Variants in TLR8 observed in about 807,000 individuals in gnomAD.
TLR8 encodes toll-like receptor 8.
In TLR8, 5 loss-of-function variants were observed where a neutral mutation model predicts 18.5. That is an observed-to-expected ratio of 0.27 (90% confidence interval 0.14 to 0.57). The LOEUF (loss-of-function observed/expected upper bound fraction) is 0.57, where lower values mean the gene tolerates loss of function less well. Ranked by LOEUF, TLR8 falls within the 20% of genes least tolerant of loss-of-function variation. TLR8 has a pLI of 0.92. For missense variants in TLR8, 543 were observed against 769.8 expected, an observed-to-expected ratio of 0.71 and a Z score of 3.49; for synonymous variants, 299 against 300.1, an observed-to-expected ratio of 1.00 and a Z score of 0.04.
rs1408293636 is a variant in TLR8, at chrX:12,920,957, G to A, written c.1917G>A (p.Lys639=). The A allele has an allele frequency of 8.3e-7, 1 of 1,209,555 alleles. No individual in the cohort carries two copies. Among genetic ancestry groups the A allele is most frequent in the Non-Finnish European group, 1.1e-6 (1 of 895,044 alleles). Residue 639 remains lysine (K), a synonymous_variant, in exon 2 of 2, where the codon AAG becomes AAA. Transcript: ENST00000218032. The part of the protein sequence containing the change: ...NRYISIFKGL[K]NLTRLDLSLN... ...ATATCTCCATTTTCAAAGGTCTCAA[G>A]AATCTGACACGTCTGGATTTATCCC...
intron 1 of TLR8, among the ~76,000 whole-genome samples, chrX:12,918,534 C>CT (rs961215608): frequency 2.0e-4 from 22 of 110,511 alleles, no homozygotes; most frequent in African/African-American, 6.6e-4. Context: ...CTTCAACTTC[C>CT]TTTTTTTTGT....
rs1286007013 is a variant in TLR8 at position 12,919,197 on chromosome X, C to T, written c.157C>T (p.Arg53Ter). 2 of 1,211,795 alleles carry T rather than the reference C, an allele frequency of 1.7e-6. No homozygotes were observed. Among genetic ancestry groups the T allele is most frequent in the Non-Finnish European group, 2.2e-6 (2 of 895,469 alleles). Residue 53 changes from arginine to a stop codon, truncating the protein, a stop_gained, in exon 2 of 2, where the codon CGA (arginine) becomes TGA (stop). Coordinates refer to ENST00000218032, the MANE Select transcript of TLR8 (RefSeq NM_138636.5). LOFTEE classifies it low-confidence loss of function (END_TRUNC). ...AGTTATTGCAGAGTGCAGCAATCGT[C>T]GACTACAGGAAGTTCCCCAAACGGT... ...DSVIAECSNR[R>*]LQEVPQTVGK... is the part of the protein sequence containing the mutation.
At chrX:12,909,699 G>A (rs1240504499) in intron 1 of TLR8, among the ~76,000 whole-genome samples, 1 of 111,531 alleles carries the variant, frequency 9.0e-6, no homozygotes, top group Non-Finnish European at 1.9e-5. Context: ...TGGCCAACTA[G>A]CCCCTTGGCT....
In TLR8 at chrX:12,906,683, A is replaced by G. The variant is rs1335778352; in HGVS notation, c.-24A>G. ...ATTCTGCGCTGCTGCAAGTTACGGA[A>G]TGAAAAATTAGAACAACAGAAACAT... On this transcript the variant is annotated 5_prime_UTR_variant, in exon 1 of 2. An upstream start codon of the reference 5' UTR is lost. Transcript: ENST00000218032. 1.1e-5 allele frequency: 12 copies of G among 1,107,904 alleles called. No individual in the cohort carries two copies. The Admixed American group carries it at 4.1e-4, about 37-fold the overall frequency. The allele number at this position is 1,107,904 out of a possible 1,213,427, so 91.3% of individuals were successfully genotyped here.
Position 12,920,069 on chromosome X carries a change from C to G in TLR8, c.1029C>G (p.Asp343Glu). The change falls in exon 2 of 2, where the codon GAC (aspartate) becomes GAG (glutamate). Residue 343 changes from aspartate (D) to glutamate (E), a missense_variant. Asp to Glu is a conservative substitution (Grantham distance 45, BLOSUM62 2). Transcript: ENST00000218032. ...TGCTGCCCCGCTTAGAAATACTTGA[C>G]TTGTCTTTTAACTATATAAAGGGGA... ...LTMLPRLEIL[D>E]LSFNYIKGSY... 8.3e-7 allele frequency: 1 copy of G among 1,209,827 alleles called. No homozygotes were observed. Among genetic ancestry groups the G allele is most frequent in the Non-Finnish European group, 1.1e-6 (1 of 894,580 alleles).
chrX:12,910,952 CT>C (rs964228769), intron 1 of TLR8, among the ~76,000 whole-genome samples: 5 of 105,603 alleles, frequency 4.7e-5, no homozygotes, highest in Admixed American at 1.0e-4. Flanking sequence ...ATTTTTTTTT[CT>C]TTTTTTTTTC....
intron 1 of TLR8, among the ~76,000 whole-genome samples, chrX:12,912,540 T>A (rs1286130758): frequency 8.8e-6 from 1 of 113,658 alleles, no homozygotes; most frequent in Non-Finnish European, 1.9e-5. Flanking sequence ...TGTGCAGTCC[T>A]GCACGGAATA....
At chrX:12,916,856 G>C (rs1325336102) in intron 1 of TLR8, among the ~76,000 whole-genome samples, 1 of 110,582 alleles carries the variant, frequency 9.0e-6, no homozygotes, top group Non-Finnish European at 1.9e-5. Context: ...CCTTGCAGTT[G>C]TTGTTCGACT....
At chrX:12,911,197 C>A (rs190553102) in intron 1 of TLR8, among the ~76,000 whole-genome samples, 1 of 112,080 alleles carries the variant, frequency 8.9e-6, no homozygotes, top group African/African-American at 3.2e-5. Context: ...TTACTTGATT[C>A]GTTTCCCAGG....
At chrX:12,909,135 G>A (rs1602448377) in intron 1 of TLR8, among the ~76,000 whole-genome samples, 1 of 111,902 alleles carries the variant, frequency 8.9e-6, no homozygotes, top group East Asian at 2.8e-4. Flanking sequence ...ATGGGGTTGA[G>A]GGATTTGTTA....
rs1200632162 is a variant in TLR8 at position 12,920,527 on chromosome X, T to C, written c.1487T>C (p.Ile496Thr). The change falls in exon 2 of 2, where the codon ATT becomes ACT. Residue 496 changes from isoleucine (I) to threonine (T), a missense_variant. This residue lies in a region of TLR8 where 185 missense variants were observed against 298.9 expected (regional missense o/e 0.62). Coordinates refer to ENST00000218032, the MANE Select transcript of TLR8 (RefSeq NM_138636.5). ...TTAAGCCTCAACAGTATTTTCTTCA[T>C]TGGGCCAAACCAATTTGAAAATCTT... ...LDLSLNSIFF[I>T]GPNQFENLPD... 2.5e-6 allele frequency: 3 copies of C among 1,212,116 alleles called. No homozygotes were observed. Among genetic ancestry groups the C allele is most frequent in the Non-Finnish European group, 2.2e-6 (2 of 895,523 alleles).
chrX:12,911,178 T>C (rs185347180), intron 1 of TLR8, among the ~76,000 whole-genome samples: 1 of 111,967 alleles, frequency 8.9e-6, no homozygotes, highest in Non-Finnish European at 1.9e-5. Context: ...ATTTACCTGT[T>C]CTCTGCTCTT....
In TLR8 at chrX:12,920,096, T is replaced by A. The variant is rs776890498; in HGVS notation, c.1056T>A (p.Ser352Arg). Reference protein sequence around the residue: ...LDLSFNYIKGSYPQHINISRN... With the variant: ...LDLSFNYIKGRYPQHINISRN... ...TGTCTTTTAACTATATAAAGGGGAG[T>A]TATCCACAGCATATTAATATTTCCA... is the stretch of plus-strand genomic sequence containing the variant. The change falls in exon 2 of 2, where the codon AGT becomes AGA. Residue 352 changes from serine (S) to arginine (R), a missense_variant. Coordinates refer to ENST00000218032, the MANE Select transcript of TLR8 (RefSeq NM_138636.5). The A allele has an allele frequency of 8.3e-7, 1 of 1,209,473 alleles. No individual in the cohort carries two copies. The highest frequency in any genetic ancestry group is 1.1e-6 in the Non-Finnish European group (1 of 894,573).
intron 1 of TLR8, among the ~76,000 whole-genome samples, chrX:12,912,611 T>C (rs972665066): frequency 8.8e-6 from 1 of 113,618 alleles, no homozygotes; most frequent in African/African-American, 3.2e-5. Context: ...TCACCATTTC[T>C]TGCCCTTCCC....
rs746819165 is a variant in TLR8, at chrX:12,919,640, G to C, written c.600G>C (p.Leu200=). Residue 200 remains leucine, a synonymous_variant, in exon 2 of 2, where the codon CTG becomes CTC. Coordinates refer to ENST00000218032, the MANE Select transcript of TLR8 (RefSeq NM_138636.5). ...TAGAAGATGGAGTATTTGAAACGCT[G>C]ACAAATTTGGAGTTGCTATCACTAT... The part of the protein sequence containing the change: ...TNIEDGVFET[L]TNLELLSLSF... The C allele has an allele frequency of 7.2e-5, 87 of 1,209,978 alleles. 1 individual carries two copies. In the South Asian group the frequency reaches 1.5e-3, roughly 20 times the overall value.
chrX:12,919,236 A>T lies in TLR8; in HGVS notation c.196A>T (p.Thr66Ser), dbSNP rs375512332. Reference sequence around the variant, plus strand: ...TCCCCAAACGGTGGGCAAATATGTGACAGAACTAGACCTGTCTGATAATTT... The same window carrying T: ...TCCCCAAACGGTGGGCAAATATGTGTCAGAACTAGACCTGTCTGATAATTT... ...EVPQTVGKYV[T>S]ELDLSDNFIT... Residue 66 changes from threonine (T) to serine (S), a missense_variant, in exon 2 of 2, where the codon ACA becomes TCA. By Grantham distance (58) the Thr-to-Ser change is moderately conservative. This residue lies in a region of TLR8 where 117 missense variants were observed against 111.0 expected (regional missense o/e 1.05). Coordinates refer to ENST00000218032, the MANE Select transcript of TLR8 (RefSeq NM_138636.5). The T allele has an allele frequency of 3.5e-5, 43 of 1,211,833 alleles. No homozygotes were observed. The highest frequency in any genetic ancestry group is 4.8e-5 in the Non-Finnish European group (43 of 895,461).
chrX:12,920,793 A>C lies in TLR8; in HGVS notation c.1753A>C (p.Asn585His). The C allele has an allele frequency of 5.0e-6, 6 of 1,209,840 alleles. No individual in the cohort carries two copies. The South Asian group carries it at 1.1e-4, about 21-fold the overall frequency. ...TCTAGAATTTATTCAAAATTTCACA[A>C]ATCTAAAAGTTTTAAACTTGAGCCA... Reference protein sequence around the residue: ...HHLEFIQNFTNLKVLNLSHNN... With the variant: ...HHLEFIQNFTHLKVLNLSHNN... The change falls in exon 2 of 2, where the codon AAT (asparagine) becomes CAT (histidine). Residue 585 changes from asparagine to histidine, a missense_variant. By Grantham distance (68) the Asn-to-His change is moderately conservative. Transcript: ENST00000218032.
intron 1 of TLR8, 129 bp downstream of exon 1, chrX:12,906,838 AAGATCGAAACAACTGT>A (rs2042988126): frequency 1.8e-6 from 1 of 562,949 alleles, no homozygotes; most frequent in Non-Finnish European, 2.5e-6. Context: ...ATAAAAATTA[AAGATCGAAACAACTGT>A]AAATGCAGGT....
chrX:12,918,515 T>C lies in TLR8; in HGVS notation c.4-529T>C, dbSNP rs751358728. ...GTCTTCTCATCATCATAATCTCAGA[T>C]AGCTTCATCTTCAACTTCCTTTTTT... On this transcript the variant is annotated intron_variant, in intron 1 of 1. Transcript: ENST00000218032. Among the ~76,000 whole-genome samples the C allele has an allele frequency of 8.1e-5, 9 of 111,385 alleles. No homozygotes were observed. The East Asian group carries it at 2.3e-3, about 28-fold the overall frequency.
Sources: gnomAD v4.1 joint callset for allele counts (sites outside exome capture counted in the v4.1 genomes callset) on GRCh38, gnomAD v4.1.1 for gene constraint, gnomAD v4.1.1 regional missense constraint, MANE v1.5 for transcripts, NCBI Gene and HGNC (gene_info 2026-07-23, HGNC 2026-07-21) for gene names.